ASH1L: variants seen among roughly 807,000 people sequenced by gnomAD.
ASH1L encodes the protein ASH1 like histone lysine methyltransferase.
Under a neutral mutation model 269.0 loss-of-function variants are expected in ASH1L, and 23 were observed. The ratio of observed to expected loss-of-function variants is 0.09; its 90% CI spans 0.06 to 0.12. The LOEUF (loss-of-function observed/expected upper bound fraction) is 0.12. ASH1L is among the 10% of genes least tolerant of loss of function. ASH1L has a pLI of 1.00. For missense variants in ASH1L, 2,912 were observed against 3,567.8 expected (o/e 0.82, Z 4.68); for synonymous variants, 1,187 against 1,253.5 (o/e 0.95, Z 1.12).
rs1314528929 is a variant in ASH1L at position 155,377,057 on chromosome 1, G to A, written c.6332+1224C>T. 2.6e-5 allele frequency among the ~76,000 whole-genome samples: 4 copies of A among 151,742 alleles called. No individual in the cohort carries two copies. The East Asian group carries it at 8.0e-4, about 30-fold the overall frequency. ...CACGTAGCTGGGATTATAGGCATGAGCCACCATGCCCGGCTAATTCTGTAT... is the reference window on the plus strand; with the variant it reads ...CACGTAGCTGGGATTATAGGCATGAACCACCATGCCCGGCTAATTCTGTAT... On this transcript the variant is annotated intron_variant, in intron 10 of 27. Transcript: ENST00000392403.
rs1472783837 is a variant in ASH1L at position 155,477,982 on chromosome 1, T to C, written c.4888A>G (p.Ser1630Gly). The C allele has an allele frequency of 6.2e-7, 1 of 1,614,222 alleles. No homozygotes were observed. The highest frequency in any genetic ancestry group is 1.3e-5 in the African/African-American group (1 of 75,062). Residue 1630 changes from serine (S) to glycine (G), a missense_variant, in exon 3 of 28, where the codon AGC becomes GGC. Physicochemically the swap from Ser to Gly is moderately conservative, Grantham distance 56. This residue lies in a region of ASH1L where 789 missense variants were observed against 897.6 expected (regional missense o/e 0.88). Transcript: ENST00000392403. ...NSSGRKKLTD[S>G]PGLFSAQDTS... Reference sequence around the variant, plus strand: ...TCCTGTGCAGAAAAGAGTCCAGGGCTGTCAGTTAATTTCTTCCGGCCACTG... The same window carrying C: ...TCCTGTGCAGAAAAGAGTCCAGGGCCGTCAGTTAATTTCTTCCGGCCACTG...
At chr1:155,557,571 C>G (rs187474291) in intron 1 of ASH1L, among the ~76,000 whole-genome samples, 1 of 152,066 alleles carries the variant, frequency 6.6e-6, no homozygotes. Flanking sequence ...TGAGCCACCA[C>G]GCCCGGCCTA....
At chr1:155,425,526 C>A (rs1417693544) in intron 5 of ASH1L, among the ~76,000 whole-genome samples, 2 of 151,258 alleles carry the variant, frequency 1.3e-5, no homozygotes, top group African/African-American at 4.9e-5. Flanking sequence ...GCAATCTCTG[C>A]CTCCTGGGTT....
chr1:155,437,170 A>G (rs1662169085), intron 5 of ASH1L, among the ~76,000 whole-genome samples: 1 of 152,236 alleles, frequency 6.6e-6, no homozygotes, highest in African/African-American at 2.4e-5. Flanking sequence ...TAAAAATGCA[A>G]TCCACAGAAT....
At position 155,371,078 on chromosome 1, in the gene ASH1L, T is replaced by G. The variant is rs142826868; in HGVS notation, c.6333-95A>C. 6.6e-4 allele frequency: 664 copies of G among 1,002,244 alleles called. 1 individual carries two copies. The African/African-American group carries it at 0.01, about 15-fold the overall frequency. The allele number at this position is 1,002,244 out of a possible 1,614,324, so 62.1% of individuals were successfully genotyped here. Reference sequence around the variant, plus strand: ...TTACAAACATTTAAAAATGAATACATGAAATCAATTTTTATTTAATAAAAG... The same window carrying G: ...TTACAAACATTTAAAAATGAATACAGGAAATCAATTTTTATTTAATAAAAG... On this transcript the variant is annotated intron_variant, in intron 10 of 27. Coordinates refer to ENST00000392403, the MANE Select transcript of ASH1L (RefSeq NM_018489.3).
intron 7 of ASH1L, among the ~76,000 whole-genome samples, chr1:155,391,231 C>T (rs1333017950): frequency 6.6e-6 from 1 of 152,142 alleles, no homozygotes; most frequent in East Asian, 1.9e-4. Context: ...CAGGTGTGAA[C>T]CATCACACCT....
At chr1:155,385,150 A>T (rs1360580003) in intron 7 of ASH1L, among the ~76,000 whole-genome samples, 1 of 152,080 alleles carries the variant, frequency 6.6e-6, no homozygotes, top group Non-Finnish European at 1.5e-5. Context: ...ATTCTAATTT[A>T]AAAAAATTAT....
In ASH1L at chr1:155,506,727, C is replaced by A. The variant is rs141791262; in HGVS notation, c.420+14373G>T. Reference sequence around the variant, plus strand: ...AAAAAGAAAAAGAAACATTAATCTACCAGTTATATAGCATTATAAAATTTT... The same window carrying A: ...AAAAAGAAAAAGAAACATTAATCTAACAGTTATATAGCATTATAAAATTTT... On this transcript the variant is annotated intron_variant, in intron 2 of 27. Transcript: ENST00000392403. Among the ~76,000 whole-genome samples the A allele has an allele frequency of 3.2e-3, 485 of 152,122 alleles. 3 individuals carry two copies. The highest frequency in any genetic ancestry group is 0.011 in the African/African-American group (447 of 41,534).
chr1:155,508,078 T>C (rs1429620176), intron 2 of ASH1L, among the ~76,000 whole-genome samples: 2 of 152,158 alleles, frequency 1.3e-5, no homozygotes, highest in Non-Finnish European at 2.9e-5. Flanking sequence ...CGGAATTTTC[T>C]TTAAATGCTG....
Position 155,485,545 on chromosome 1 carries a change from G to A in ASH1L, c.421-3096C>T, listed in dbSNP as rs548389123. Among the ~76,000 whole-genome samples, 4 of 152,214 alleles carry A rather than the reference G, an allele frequency of 2.6e-5. No homozygotes were observed. In the South Asian group the frequency reaches 8.3e-4, roughly 32 times the overall value. On this transcript the variant is annotated intron_variant, in intron 2 of 27. Transcript: ENST00000392403. ...TACTGGTAATACATATAGTAATTTT[G>A]AATTTAGACAGATAGATGACTAACA... is the stretch of plus-strand genomic sequence containing the variant.
chr1:155,438,365 C>A lies in ASH1L; in HGVS notation c.5790G>T (p.Lys1930Asn). ...LLEEQTRKKQKPLPEEEEQEN... is the reference protein window; with the variant it reads ...LLEEQTRKKQNPLPEEEEQEN... ...CTTGCTCTTCTTCCTCTGGTAATGG[C>A]TTCTGCTTTTTTCTGGTCTGTTCTT... The change falls in exon 5 of 28, where the codon AAG becomes AAT. Residue 1930 changes from lysine (K) to asparagine (N), a missense_variant. By Grantham distance (94) the Lys-to-Asn change is moderately conservative. Transcript: ENST00000392403. 1 of 1,590,502 alleles carries A rather than the reference C, an allele frequency of 6.3e-7. No homozygotes were observed. Among genetic ancestry groups the A allele is most frequent in the Non-Finnish European group, 8.5e-7 (1 of 1,171,704 alleles).
At chr1:155,361,872 C>CAAAA (rs771879733) in intron 12 of ASH1L, among the ~76,000 whole-genome samples, 1 of 58,666 alleles carries the variant, frequency 1.7e-5, no homozygotes, top group Non-Finnish European at 3.8e-5. Flanking sequence ...GACTCCGTCT[C>CAAAA]AAAAAAAAAA....
intron 4 of ASH1L, among the ~76,000 whole-genome samples, chr1:155,439,374 A>G (rs879548170): frequency 6.6e-6 from 1 of 152,142 alleles, no homozygotes; most frequent in Non-Finnish European, 1.5e-5. Context: ...TAAAAAATAA[A>G]TTAAGGTCCA....
chr1:155,509,227 C>A (rs1668009230), intron 2 of ASH1L, among the ~76,000 whole-genome samples: 1 of 152,104 alleles, frequency 6.6e-6, no homozygotes, highest in African/African-American at 2.4e-5. Context: ...CACCTGTAAT[C>A]CTAATGATTT....
intron 8 of ASH1L, 24 bp downstream of exon 8, chr1:155,380,019 C>G: frequency 6.4e-7 from 1 of 1,555,138 alleles, no homozygotes; most frequent in East Asian, 2.2e-5. Flanking sequence ...AAGAATGAAA[C>G]CTGGTAAAAC....
chr1:155,475,507 A>C (rs1665473088), intron 3 of ASH1L, among the ~76,000 whole-genome samples: 1 of 152,102 alleles, frequency 6.6e-6, no homozygotes, highest in South Asian at 2.1e-4. Context: ...ATCTAATTAG[A>C]TCCCCTTCTG....
chr1:155,464,754 T>C (rs1258207067), intron 3 of ASH1L, among the ~76,000 whole-genome samples: 2 of 152,128 alleles, frequency 1.3e-5, no homozygotes, highest in African/African-American at 2.4e-5. Context: ...AATTATAGAC[T>C]CTCTGGATTT....
At chr1:155,421,632 C>A (rs1426121126) in intron 5 of ASH1L, among the ~76,000 whole-genome samples, 1 of 150,990 alleles carries the variant, frequency 6.6e-6, no homozygotes, top group Non-Finnish European at 1.5e-5. Context: ...GATCACGCCA[C>A]TGCACTCCAT....
At chr1:155,522,465 C>T (rs1463580107) in intron 1 of ASH1L, among the ~76,000 whole-genome samples, 2 of 152,086 alleles carry the variant, frequency 1.3e-5, no homozygotes, top group Non-Finnish European at 2.9e-5. Flanking sequence ...TTATAAGAAC[C>T]TTAAAAATCA....
Sources: allele counts gnomAD v4.1 joint callset (sites outside exome capture counted in the v4.1 genomes callset), GRCh38; gene constraint gnomAD v4.1.1; regional missense constraint gnomAD v4.1.1; transcripts MANE v1.5; gene names NCBI Gene and HGNC (gene_info 2026-07-23, HGNC 2026-07-21).